BBS9: variants seen among roughly 807,000 people sequenced by gnomAD.
The protein encoded by BBS9 is Bardet-Biedl syndrome 9, also known as protein PTHB1.
BBS9 carries 89 observed loss-of-function variants against 117.7 expected under a neutral mutation model. That is an observed-to-expected ratio of 0.76 (90% CI 0.64 to 0.90). The LOEUF (loss-of-function observed/expected upper bound fraction) is 0.90, where lower values mean the gene tolerates loss of function less well. Among genes scored for constraint, BBS9 ranks in the 40% least tolerant of loss-of-function variants. The pLI is 0.00. For missense variants in BBS9, 982 were observed against 1,042.2 expected (o/e 0.94, Z 0.80); for synonymous variants, 379 against 370.9 (o/e 1.02, Z -0.25).
chr7:33,384,966 G>C (rs1214420506), intron 18 of BBS9, among the ~76,000 whole-genome samples: 1 of 152,002 alleles, frequency 6.6e-6, no homozygotes, highest in Non-Finnish European at 1.5e-5. Context: ...CACCAAAATT[G>C]ACACAGTCTG....
chr7:33,532,744 A>G (rs553445742), intron 20 of BBS9, among the ~76,000 whole-genome samples: 4 of 152,268 alleles, frequency 2.6e-5, no homozygotes, highest in Non-Finnish European at 4.4e-5. Context: ...TCTGATTTGC[A>G]TATTTGAATG....
chr7:33,204,018 C>A (rs998900146), intron 5 of BBS9, among the ~76,000 whole-genome samples: 1 of 151,346 alleles, frequency 6.6e-6, no homozygotes, highest in East Asian at 2.0e-4. Flanking sequence ...CCACCACGCC[C>A]GGCCAGAACG....
chr7:33,341,036 C>G, intron 11 of BBS9, 63 bp downstream of exon 11: 3 of 1,399,558 alleles, frequency 2.1e-6, no homozygotes, highest in Non-Finnish European at 3.0e-6. Context: ...GAATTAGGAC[C>G]AAAATGCATT....
At chr7:33,336,764 TTA>T in intron 10 of BBS9, 142 bp downstream of exon 10, 2 of 654,176 alleles carry the variant, frequency 3.1e-6, no homozygotes, top group Non-Finnish European at 5.2e-6. Flanking sequence ...GTATTGCTCT[TTA>T]GCACACAAGG....
In BBS9 at chr7:33,261,907, G is replaced by A. The variant is rs118078983; in HGVS notation, c.618-2383G>A. Among the ~76,000 whole-genome samples, 80 of 152,232 alleles carry A rather than the reference G, an allele frequency of 5.3e-4. No homozygotes were observed. The East Asian group carries it at 0.014, about 26-fold the overall frequency. ...CCCTGATTATTCTTTCAGCAATCTCGACAAGGGAACTTTTTTGTGTAGCTT... is the reference window on the plus strand; with the variant it reads ...CCCTGATTATTCTTTCAGCAATCTCAACAAGGGAACTTTTTTGTGTAGCTT... On this transcript the variant is annotated intron_variant, in intron 6 of 22. Coordinates refer to ENST00000242067, the MANE Select transcript of BBS9 (RefSeq NM_198428.3).
chr7:33,607,697 T>G (rs11980361), downstream of BBS9, among the ~76,000 whole-genome samples: 55,302 of 151,836 alleles, frequency 0.36, 13,349 homozygotes, highest in African/African-American at 0.68. Context: ...AAAGATAATT[T>G]TTTCTCTGAA....
Position 33,325,734 on chromosome 7 carries a change from C to G in BBS9, c.1017-10707C>G, listed in dbSNP as rs145936277. 7.2e-3 allele frequency among the ~76,000 whole-genome samples: 1,093 copies of G among 152,316 alleles called. 10 individuals carry two copies. Among genetic ancestry groups the G allele is most frequent in the Non-Finnish European group, 0.012 (843 of 68,018 alleles). ...CCTGAAGCCCAGTAACACTGTGGCT[C>G]TTACAGTGGTATCACCTTGGTGGAC... On this transcript the variant is annotated intron_variant, in intron 9 of 22. Coordinates refer to ENST00000242067, the MANE Select transcript of BBS9 (RefSeq NM_198428.3).
chr7:33,286,007 A>G (rs1041396192), intron 9 of BBS9, among the ~76,000 whole-genome samples: 1 of 152,028 alleles, frequency 6.6e-6, no homozygotes. Context: ...GTTACATTCC[A>G]TAGTAAGTCT....
intron 9 of BBS9, among the ~76,000 whole-genome samples, chr7:33,297,459 G>T (rs1805506205): frequency 6.6e-6 from 1 of 152,106 alleles, no homozygotes; most frequent in Admixed American, 6.6e-5. Flanking sequence ...TGGGTGACTT[G>T]GTTTATAGAT....
At chr7:33,569,504 C>T (rs1857428141) in intron 21 of BBS9, among the ~76,000 whole-genome samples, 1 of 151,634 alleles carries the variant, frequency 6.6e-6, no homozygotes, top group Non-Finnish European at 1.5e-5. Flanking sequence ...GCCTGTAATC[C>T]CAGCACTTTG....
intron 19 of BBS9, among the ~76,000 whole-genome samples, chr7:33,486,054 GA>G (rs1843071562): frequency 6.6e-6 from 1 of 152,170 alleles, no homozygotes; most frequent in Non-Finnish European, 1.5e-5. Flanking sequence ...GGAGTAGGGG[GA>G]AAGTAGAAAA....
intron 19 of BBS9, among the ~76,000 whole-genome samples, chr7:33,430,408 T>C (rs1288687396): frequency 6.6e-6 from 1 of 152,224 alleles, no homozygotes; most frequent in African/African-American, 2.4e-5. Flanking sequence ...CTCAGCAGCT[T>C]TTTTCTTGTT....
At chr7:33,355,888 AT>A (rs913680753) in intron 15 of BBS9, among the ~76,000 whole-genome samples, 2 of 151,728 alleles carry the variant, frequency 1.3e-5, no homozygotes, top group African/African-American at 4.8e-5. Flanking sequence ...ATTATATTTA[AT>A]TTTTTTTAAC....
intron 17 of BBS9, among the ~76,000 whole-genome samples, chr7:33,383,264 A>G (rs1825404505): frequency 6.6e-6 from 1 of 152,220 alleles, no homozygotes; most frequent in African/African-American, 2.4e-5. Flanking sequence ...ATTGAATTTT[A>G]TATAGAATCA....
At chr7:33,581,865 A>G (rs1860000960) in intron 21 of BBS9, among the ~76,000 whole-genome samples, 1 of 152,094 alleles carries the variant, frequency 6.6e-6, no homozygotes, top group African/African-American at 2.4e-5. Context: ...AGAATAATTT[A>G]CTATCAATTC....
At chr7:33,225,146 A>T (rs1463336500) in intron 5 of BBS9, among the ~76,000 whole-genome samples, 1 of 152,160 alleles carries the variant, frequency 6.6e-6, no homozygotes, top group Admixed American at 6.5e-5. Context: ...TAATAAACTA[A>T]TGGATTTAAA....
At chr7:33,591,768 G>T (rs17170306) in intron 21 of BBS9, among the ~76,000 whole-genome samples, 6,029 of 152,018 alleles carry the variant, frequency 0.04, 160 homozygotes, top group Non-Finnish European at 0.055. Flanking sequence ...TCATCCATTT[G>T]TGTCATATTA....
At chr7:33,205,993 T>C (rs2128218638) in intron 5 of BBS9, among the ~76,000 whole-genome samples, 1 of 152,362 alleles carries the variant, frequency 6.6e-6, no homozygotes, top group Admixed American at 6.5e-5. Context: ...CAAAGCTTTG[T>C]CCTTCACTGG....
intron 19 of BBS9, among the ~76,000 whole-genome samples, chr7:33,504,989 T>C (rs535010938): frequency 2.6e-5 from 4 of 152,210 alleles, no homozygotes; most frequent in Non-Finnish European, 5.9e-5. Flanking sequence ...CTCAATACCA[T>C]GTAGCATCTA....
Sources: allele counts gnomAD v4.1 joint callset (sites outside exome capture counted in the v4.1 genomes callset), GRCh38; gene constraint gnomAD v4.1.1; transcripts MANE v1.5; gene names NCBI Gene and HGNC (gene_info 2026-07-23, HGNC 2026-07-21).